Variants in MCPH1 observed in about 807,000 individuals in gnomAD.
MCPH1 encodes the protein microcephalin 1.
Under a neutral mutation model 84.5 loss-of-function variants are expected in MCPH1, and 104 were observed. That is an observed-to-expected ratio of 1.23 (90% confidence interval 1.05 to 1.45). The LOEUF (loss-of-function observed/expected upper bound fraction) is 1.45. Among genes scored for constraint, MCPH1 ranks in the 40% most tolerant of loss-of-function variants. MCPH1 has a pLI of 0.00. For synonymous variants in MCPH1, 514 were observed against 366.8 expected (o/e 1.40, Z -4.58); for missense variants, 1,498 against 1,005.7 (o/e 1.49, Z -6.62).
In MCPH1 at chr8:6,444,763, A is replaced by G; in HGVS notation, c.1041A>G (p.Ser347=). 24 of 1,614,112 alleles carry G rather than the reference A, an allele frequency of 1.5e-5. No individual in the cohort carries two copies. Among genetic ancestry groups the G allele is most frequent in the Non-Finnish European group, 1.9e-5 (23 of 1,179,982 alleles). The part of the protein sequence containing the change: ...SSTKGHLLIH[S]RPRSSSVKRK... ...CAAAAGGCCACCTTTTGATACATTC[A>G]AGACCCAGGAGTTCCTCAGTAAAGA... The change falls in exon 8 of 14, where the codon TCA becomes TCG. Residue 347 remains serine (S), a synonymous_variant. Coordinates refer to ENST00000344683, the MANE Select transcript of MCPH1 (RefSeq NM_024596.5).
intron 11 of MCPH1, among the ~76,000 whole-genome samples, chr8:6,485,768 A>T (rs1212095382): frequency 6.6e-6 from 1 of 152,188 alleles, no homozygotes; most frequent in Admixed American, 6.5e-5. Flanking sequence ...GGTAACCATG[A>T]TGGCAGTCAG....
chr8:6,604,302 C>A (rs1476338544), intron 12 of MCPH1, among the ~76,000 whole-genome samples: 5 of 152,220 alleles, frequency 3.3e-5, no homozygotes, highest in African/African-American at 1.2e-4. Flanking sequence ...CCACTGCCTG[C>A]CACATTCCAG....
chr8:6,470,149 C>T (rs773456592), intron 9 of MCPH1, among the ~76,000 whole-genome samples: 18 of 152,050 alleles, frequency 1.2e-4, no homozygotes, highest in Non-Finnish European at 2.2e-4. Context: ...TGTGTCTAGA[C>T]GAATGGAAGA....
rs1563305720 is a variant in MCPH1 at position 6,505,295 on chromosome 8, A to T, written c.2214+5366A>T. On this transcript the variant is annotated intron_variant, in intron 12 of 13. Transcript: ENST00000344683. ...ATGTATACATATATATGTTATATAC[A>T]TATATATGTATATAACATATATATG... 1.5e-3 allele frequency among the ~76,000 whole-genome samples: 113 copies of T among 73,694 alleles called. 5 individuals are homozygous for T. Among genetic ancestry groups the T allele is most frequent in the African/African-American group, 6.8e-3 (90 of 13,314 alleles). The allele number at this position is 73,694 out of a possible 152,430, so 48.3% of individuals were successfully genotyped here. A position where few individuals can be genotyped will look rare whatever the true frequency, so the allele number is the denominator to read the frequency against.
At chr8:6,484,567 C>G (rs888660280) in intron 11 of MCPH1, among the ~76,000 whole-genome samples, 1 of 152,186 alleles carries the variant, frequency 6.6e-6, no homozygotes, top group East Asian at 1.9e-4. Context: ...AGAGTCTGTA[C>G]GCGAATATTT....
At chr8:6,599,238 T>C (rs1202370217) in intron 12 of MCPH1, among the ~76,000 whole-genome samples, 3 of 152,218 alleles carry the variant, frequency 2.0e-5, no homozygotes, top group Non-Finnish European at 4.4e-5. Flanking sequence ...ACCGGAAGGA[T>C]ATTTTTAAAG....
At chr8:6,409,822 G>A (rs79792257) in intron 2 of MCPH1, among the ~76,000 whole-genome samples, 302 of 152,290 alleles carry the variant, frequency 2.0e-3, no homozygotes, top group Non-Finnish European at 3.1e-3. Flanking sequence ...TGTGGACATC[G>A]TCCCATGTCA....
At chr8:6,529,200 G>A (rs551586463) in intron 12 of MCPH1, among the ~76,000 whole-genome samples, 1 of 152,200 alleles carries the variant, frequency 6.6e-6, no homozygotes, top group Admixed American at 6.5e-5. Flanking sequence ...CATCTGCAGG[G>A]GACTGTAAAT....
At chr8:6,477,170 A>G (rs926467444) in intron 9 of MCPH1, 1 of 166,030 alleles carries the variant, frequency 6.0e-6, no homozygotes, top group Non-Finnish European at 1.3e-5. Context: ...CAGAAGCACA[A>G]GCATTATTGT....
chr8:6,473,282 G>T (rs1237229655), intron 9 of MCPH1, among the ~76,000 whole-genome samples: 2 of 144,838 alleles, frequency 1.4e-5, no homozygotes, highest in African/African-American at 2.5e-5. Context: ...TAATTCTGTA[G>T]CAATTTAAGC....
intron 12 of MCPH1, among the ~76,000 whole-genome samples, chr8:6,617,374 G>T (rs760337638): frequency 8.1e-5 from 12 of 148,984 alleles, no homozygotes; most frequent in Non-Finnish European, 1.6e-4. Flanking sequence ...CCTCCTCCCA[G>T]GTTCACACCA....
chr8:6,407,647 T>G (rs1797933025), intron 1 of MCPH1, among the ~76,000 whole-genome samples: 1 of 152,228 alleles, frequency 6.6e-6, no homozygotes, highest in Non-Finnish European at 1.5e-5. Context: ...TAATCAGATG[T>G]GGCTATTTTT....
intron 12 of MCPH1, chr8:6,508,526 A>G: frequency 3.9e-6 from 1 of 254,452 alleles, no homozygotes; most frequent in East Asian, 8.1e-5. Flanking sequence ...TGAACATTAA[A>G]TTATTAGTTG....
chr8:6,597,341 G>A (rs565368833), intron 12 of MCPH1, among the ~76,000 whole-genome samples: 19 of 152,086 alleles, frequency 1.2e-4, no homozygotes, highest in Admixed American at 2.6e-4. Flanking sequence ...TTATTTTTTC[G>A]GCTTCAGGAA....
chr8:6,428,193 C>T (rs1040120215), intron 3 of MCPH1, among the ~76,000 whole-genome samples: 1 of 151,988 alleles, frequency 6.6e-6, no homozygotes, highest in African/African-American at 2.4e-5. Context: ...CATTGTACAA[C>T]AGTATAAAAA....
At chr8:6,469,137 A>C (rs776168195) in intron 9 of MCPH1, among the ~76,000 whole-genome samples, 6 of 152,108 alleles carry the variant, frequency 3.9e-5, no homozygotes, top group Non-Finnish European at 8.8e-5. Context: ...CCGTGATTGT[A>C]CCACTGCACT....
intron 11 of MCPH1, among the ~76,000 whole-genome samples, chr8:6,484,434 T>A (rs2440454): frequency 6.6e-6 from 1 of 152,262 alleles, no homozygotes; most frequent in African/African-American, 2.4e-5. Context: ...GCTGCTGGTG[T>A]GTGTGGGAAG....
In MCPH1 at chr8:6,420,119, T is replaced by A. The variant is rs1405670285; in HGVS notation, c.233+5236T>A. Reference sequence around the variant, plus strand: ...TTTCTATAGGATCCTTAAATGTTTTTCTCTTAGTTTCTTCTTTTTTTCACT... The same window carrying A: ...TTTCTATAGGATCCTTAAATGTTTTACTCTTAGTTTCTTCTTTTTTTCACT... On this transcript the variant is annotated intron_variant, in intron 3 of 13. Coordinates refer to ENST00000344683, the MANE Select transcript of MCPH1 (RefSeq NM_024596.5). Among the ~76,000 whole-genome samples the A allele has an allele frequency of 2.0e-5, 3 of 151,778 alleles. No individual in the cohort carries two copies. The East Asian group carries it at 5.8e-4, about 29-fold the overall frequency.
At chr8:6,578,969 G>A (rs73509239) in intron 12 of MCPH1, among the ~76,000 whole-genome samples, 2,201 of 152,268 alleles carry the variant, frequency 0.014, 55 homozygotes, top group African/African-American at 0.05. Flanking sequence ...CCTAGCATTG[G>A]GCCAGCCATC....
Sources: allele counts gnomAD v4.1 joint callset (sites outside exome capture counted in the v4.1 genomes callset), GRCh38; gene constraint gnomAD v4.1.1; transcripts MANE v1.5; gene names NCBI Gene and HGNC (gene_info 2026-07-23, HGNC 2026-07-21).